Variants in EVI5 observed in about 807,000 individuals in gnomAD.
EVI5 encodes ecotropic viral integration site 5.
A neutral mutation model predicts 112.0 loss-of-function variants in EVI5; 73 were observed. The observed-to-expected ratio is 0.65, with a 90% CI of 0.54 to 0.79. The LOEUF is 0.79. EVI5 is among the 30% of genes least tolerant of loss of function. EVI5 has a pLI of 0.00. For synonymous variants in EVI5, 305 were observed against 319.9 expected (o/e 0.95, Z 0.50); for missense variants, 900 against 968.8 (o/e 0.93, Z 0.94).
At chr1:92,608,317 C>T (rs139140577) in intron 16 of EVI5, among the ~76,000 whole-genome samples, 1 of 152,218 alleles carries the variant, frequency 6.6e-6, no homozygotes, top group East Asian at 1.9e-4. Flanking sequence ...GTATTCCTTT[C>T]TAAGATTGGC....
At chr1:92,770,008 T>A (rs764503030) in intron 1 of EVI5, among the ~76,000 whole-genome samples, 1 of 152,174 alleles carries the variant, frequency 6.6e-6, no homozygotes, top group African/African-American at 2.4e-5. Context: ...AGAAAAAAAT[T>A]TGAAGATGCT....
At chr1:92,643,095 AGCAGGAGTCAGATGT>A (rs1448007185) in intron 13 of EVI5, among the ~76,000 whole-genome samples, 1 of 152,158 alleles carries the variant, frequency 6.6e-6, no homozygotes, top group African/African-American at 2.4e-5. Context: ...ACCCCACATT[AGCAGGAGTCAGATGT>A]GCAACTGTGT....
At chr1:92,642,933 T>C (rs191202133) in intron 13 of EVI5, among the ~76,000 whole-genome samples, 4 of 152,334 alleles carry the variant, frequency 2.6e-5, no homozygotes, top group East Asian at 1.9e-4. Flanking sequence ...ACCTGAATGG[T>C]AAGACCAAGA....
Position 92,613,141 on chromosome 1 carries a change from T to G in EVI5, c.1828-5414A>C, listed in dbSNP as rs1325204720. ...TCAGGGCCAAGAAACGCTGCTGTCT[T>G]TGGGGCACTGGTGAAAGCCATTGCA... On this transcript the variant is annotated intron_variant, in intron 16 of 19. Transcript: ENST00000684568. 2.6e-5 allele frequency among the ~76,000 whole-genome samples: 4 copies of G among 152,034 alleles called. No homozygotes were observed. In the East Asian group the frequency reaches 7.7e-4, roughly 29 times the overall value.
chr1:92,629,674 CT>C (rs1444866843), intron 14 of EVI5, among the ~76,000 whole-genome samples: 1 of 149,814 alleles, frequency 6.7e-6, no homozygotes, highest in Non-Finnish European at 1.5e-5. Context: ...TTCTTTTTTT[CT>C]TTTATTATAC....
At chr1:92,755,068 GTTTTTTTTTTT>G (rs3216193) in intron 1 of EVI5, among the ~76,000 whole-genome samples, 2 of 33,608 alleles carry the variant, frequency 6.0e-5, no homozygotes, top group Non-Finnish European at 1.3e-4. Context: ...GTGAACATAG[GTTTTTTTTTTT>G]TTTTTTTTTT....
In EVI5 at chr1:92,751,997, CAG is replaced by C. The variant is rs1303956476; in HGVS notation, c.-81-15372_-81-15371del. Among the ~76,000 whole-genome samples the C allele has an allele frequency of 2.0e-5, 3 of 152,220 alleles. No individual in the cohort carries two copies. In the South Asian group the frequency reaches 6.2e-4, roughly 32 times the overall value. On this transcript the variant is annotated intron_variant, in intron 1 of 19. Transcript: ENST00000684568. Reference sequence around the variant, plus strand: ...CGCCACTGCACTCAAGCCTGGGCGACAGAGAGACACCCTGTCTTAAAAAAATA... The same window carrying C: ...CGCCACTGCACTCAAGCCTGGGCGACAGAGACACCCTGTCTTAAAAAAATA...
intron 16 of EVI5, among the ~76,000 whole-genome samples, chr1:92,620,672 T>C (rs937000780): frequency 2.0e-5 from 3 of 152,106 alleles, no homozygotes; most frequent in South Asian, 2.1e-4. Flanking sequence ...CCTGCAAATA[T>C]ATCTTTTAAA....
At chr1:92,562,322 G>T (rs1668758645) in intron 19 of EVI5, among the ~76,000 whole-genome samples, 1 of 152,082 alleles carries the variant, frequency 6.6e-6, no homozygotes, top group Non-Finnish European at 1.5e-5. Flanking sequence ...GAGGTCAGGA[G>T]ATCAGGACCA....
chr1:92,722,656 A>G (rs1486004528), intron 2 of EVI5, among the ~76,000 whole-genome samples: 1 of 152,104 alleles, frequency 6.6e-6, no homozygotes, highest in South Asian at 2.1e-4. Context: ...CTATTTGCTC[A>G]TAACAGCCCT....
intron 18 of EVI5, among the ~76,000 whole-genome samples, chr1:92,601,029 G>A (rs1279278089): frequency 6.6e-6 from 1 of 152,162 alleles, no homozygotes; most frequent in Non-Finnish European, 1.5e-5. Flanking sequence ...CAAAGTTAGG[G>A]GAGGTGAGAA....
chr1:92,583,069 T>G (rs1411161911), intron 18 of EVI5, among the ~76,000 whole-genome samples: 1 of 152,208 alleles, frequency 6.6e-6, no homozygotes, highest in Non-Finnish European at 1.5e-5. Flanking sequence ...GGAATATATA[T>G]TCTGCTTATA....
At chr1:92,703,090 C>A (rs961535509) in intron 4 of EVI5, among the ~76,000 whole-genome samples, 1 of 152,118 alleles carries the variant, frequency 6.6e-6, no homozygotes, top group African/African-American at 2.4e-5. Context: ...AAACCCACAT[C>A]CCAGGTTTTG....
At chr1:92,615,337 C>G (rs34221961) in intron 16 of EVI5, among the ~76,000 whole-genome samples, 1 of 152,028 alleles carries the variant, frequency 6.6e-6, no homozygotes, top group Non-Finnish European at 1.5e-5. Flanking sequence ...GCAGATACTA[C>G]GCCTCAAATC....
chr1:92,691,980 T>C (rs902178299), intron 9 of EVI5, among the ~76,000 whole-genome samples: 2 of 152,094 alleles, frequency 1.3e-5, no homozygotes, highest in African/African-American at 4.8e-5. Context: ...AATATAAATA[T>C]ACATGGAAGG....
intron 14 of EVI5, among the ~76,000 whole-genome samples, chr1:92,628,756 T>C (rs138073928): frequency 8.9e-4 from 136 of 152,364 alleles, no homozygotes; most frequent in African/African-American, 3.1e-3. Flanking sequence ...TGAAATTTTC[T>C]ATCTCTAAAT....
Position 92,625,847 on chromosome 1 carries a change from T to C in EVI5, c.1615A>G (p.Met539Val), listed in dbSNP as rs1340203254. The change falls in exon 15 of 20, where the codon ATG becomes GTG. Residue 539 changes from methionine (M) to valine (V), a missense_variant. By Grantham distance (21) the Met-to-Val change is conservative. Coordinates refer to ENST00000684568, the MANE Select transcript of EVI5 (RefSeq NM_001350197.2). The stretch of plus-strand genomic sequence containing the variant: ...TGCTGTCTAAGTTCTTTCAAACCCA[T>C]AATGGCTTCTGCTTCTCTAAGTTTC... Reference protein sequence around the residue: ...AVKLREAEAIMGLKELRQQVK... With the variant: ...AVKLREAEAIVGLKELRQQVK... The C allele has an allele frequency of 6.2e-7, 1 of 1,612,818 alleles. No homozygotes were observed. The highest frequency in any genetic ancestry group is 1.3e-5 in the African/African-American group (1 of 74,904).
intron 19 of EVI5, among the ~76,000 whole-genome samples, chr1:92,544,465 T>C (rs1181141791): frequency 6.6e-6 from 1 of 152,140 alleles, no homozygotes; most frequent in Non-Finnish European, 1.5e-5. Context: ...TTTTAATATA[T>C]TTAAAAAATA....
chr1:92,549,535 A>G (rs1239643298), intron 19 of EVI5, among the ~76,000 whole-genome samples: 3 of 151,950 alleles, frequency 2.0e-5, no homozygotes, highest in African/African-American at 7.3e-5. Flanking sequence ...GCACAGCAAA[A>G]GAAACTACCA....
Sources: allele counts gnomAD v4.1 joint callset (sites outside exome capture counted in the v4.1 genomes callset), GRCh38; gene constraint gnomAD v4.1.1; transcripts MANE v1.5; gene names NCBI Gene and HGNC (gene_info 2026-07-23, HGNC 2026-07-21).